The following MOB3A variants were observed in gnomAD, a reference collection of about 807,000 sequenced individuals.
MOB3A encodes the protein MOB LAK.
Under a neutral mutation model 17.8 loss-of-function variants are expected in MOB3A, and 17 were observed. The ratio of observed to expected loss-of-function variants is 0.95; its 90% confidence interval spans 0.65 to 1.43. MOB3A has a LOEUF of 1.43. Among genes scored for constraint, MOB3A ranks in the 40% most tolerant of loss-of-function variants. The pLI, the probability that MOB3A is intolerant of heterozygous loss-of-function variation, is 0.00. For synonymous variants in MOB3A, 124 were observed against 133.2 expected, an observed-to-expected ratio of 0.93 and a Z score of 0.48; for missense variants, 333 against 310.8, an observed-to-expected ratio of 1.07 and a Z score of -0.54.
At chr19:2,074,125 C>T (rs969530006) in intron 4 of MOB3A, among the ~76,000 whole-genome samples, 2 of 151,948 alleles carry the variant, frequency 1.3e-5, no homozygotes, top group Admixed American at 6.6e-5. Context: ...AACCCCGTCT[C>T]TACTAAAAAT....
At chr19:2,095,774 C>G (rs956464073) in intron 1 of MOB3A, among the ~76,000 whole-genome samples, 3 of 151,050 alleles carry the variant, frequency 2.0e-5, no homozygotes, top group African/African-American at 7.3e-5. Context: ...TTTTTTCCCC[C>G]GCTCTGGTTG....
intron 2 of MOB3A, 55 bp from the exon 3 acceptor site, chr19:2,078,734 C>G: frequency 1.6e-6 from 1 of 621,016 alleles, no homozygotes; most frequent in Non-Finnish European, 2.7e-6. Flanking sequence ...TTCCCGGAAA[C>G]TCGTGCTGAG....
At chr19:2,085,378 T>C (rs909838411) in intron 1 of MOB3A, 50 bp from the exon 2 acceptor site, 1 of 151,654 alleles carries the variant, frequency 6.6e-6, no homozygotes. Flanking sequence ...CAACACTTTT[T>C]TTTTTTTTTT....
intron 4 of MOB3A, among the ~76,000 whole-genome samples, chr19:2,074,905 G>A (rs1217946042): frequency 6.6e-6 from 1 of 152,082 alleles, no homozygotes; most frequent in African/African-American, 2.4e-5. Flanking sequence ...TTTTAGTAGC[G>A]ATGGGGTTTC....
chr19:2,076,029 A>C (rs967491461), intron 4 of MOB3A, among the ~76,000 whole-genome samples: 4 of 149,312 alleles, frequency 2.7e-5, no homozygotes, highest in Admixed American at 1.4e-4. Context: ...AGACTGAGGC[A>C]GGAGAACTGC....
chr19:2,076,230 A>G (rs1020471229), intron 4 of MOB3A, among the ~76,000 whole-genome samples: 1 of 151,304 alleles, frequency 6.6e-6, no homozygotes, highest in Admixed American at 6.6e-5. Context: ...AGATCCATCG[A>G]GACAATCCTG....
At position 2,093,063 on chromosome 19, in the gene MOB3A, C is replaced by T. The variant is rs1047376991; in HGVS notation, c.-274+3163G>A. Reference sequence around the variant, plus strand: ...TCGGCTGGGGAAGGTCTAAAACTCCCCACCTTAAAACCCCAAGCTCAGTCA... The same window carrying T: ...TCGGCTGGGGAAGGTCTAAAACTCCTCACCTTAAAACCCCAAGCTCAGTCA... On this transcript the variant is annotated intron_variant, in intron 1 of 4. Transcript: ENST00000357066. The surrounding 1 kb of genome is among the most constrained non-coding windows in gnomAD (Gnocchi z 4.6). Among the ~76,000 whole-genome samples, 9 of 152,170 alleles carry T rather than the reference C, an allele frequency of 5.9e-5. No homozygotes were observed. The highest frequency in any genetic ancestry group is 3.9e-4 in the Admixed American group (6 of 15,272).
chr19:2,079,490 G>A (rs530601927), intron 2 of MOB3A, among the ~76,000 whole-genome samples: 2 of 152,334 alleles, frequency 1.3e-5, no homozygotes, highest in East Asian at 1.9e-4. Flanking sequence ...ACGGCTGTGC[G>A]AGGATGCAGG....
chr19:2,088,719 C>T (rs1183511275), intron 1 of MOB3A, among the ~76,000 whole-genome samples: 2 of 152,100 alleles, frequency 1.3e-5, no homozygotes, highest in East Asian at 1.9e-4. Flanking sequence ...CCGCCCGCCT[C>T]GACCTCCCAA....
At chr19:2,074,334 G>A (rs1346833259) in intron 4 of MOB3A, among the ~76,000 whole-genome samples, 1 of 151,770 alleles carries the variant, frequency 6.6e-6, no homozygotes, top group East Asian at 1.9e-4. Flanking sequence ...GCTGATCCCT[G>A]TCTTATACAG....
chr19:2,077,061 G>A (rs1490215952), intron 3 of MOB3A, 48 bp from the exon 4 acceptor site: 2 of 1,530,916 alleles, frequency 1.3e-6, no homozygotes, highest in Admixed American at 3.6e-5. Flanking sequence ...CCAAGTCCAT[G>A]TCCAGAACCC....
At position 2,072,728 on chromosome 19, in the gene MOB3A, C is replaced by T. The variant is rs2017353530; in HGVS notation, c.*667G>A. 6.6e-6 allele frequency: 1 copy of T among 151,742 alleles called. No individual in the cohort carries two copies. The highest frequency in any genetic ancestry group is 1.5e-5 in the Non-Finnish European group (1 of 67,946). The allele number at this position is 151,742 out of a possible 1,614,324, so 9.4% of individuals were successfully genotyped here. A position where few individuals can be genotyped will look rare whatever the true frequency, so the allele number is the denominator to read the frequency against. On this transcript the variant is annotated 3_prime_UTR_variant, in exon 5 of 5. Coordinates refer to ENST00000357066, the MANE Select transcript of MOB3A (RefSeq NM_130807.3). ...CTGGAGGCCAGGAGTTCAGCGAGACCCCTGTCTCTAGTATGACCAAAAAAA... is the reference window on the plus strand; with the variant it reads ...CTGGAGGCCAGGAGTTCAGCGAGACTCCTGTCTCTAGTATGACCAAAAAAA...
intron 1 of MOB3A, among the ~76,000 whole-genome samples, chr19:2,089,068 G>A (rs1479661796): frequency 6.6e-6 from 1 of 152,178 alleles, no homozygotes; most frequent in African/African-American, 2.4e-5. Context: ...CCCTACAGGG[G>A]TTCATGCCGC....
At chr19:2,081,791 G>A (rs1911019344) in intron 2 of MOB3A, among the ~76,000 whole-genome samples, 1 of 152,180 alleles carries the variant, frequency 6.6e-6, no homozygotes, top group African/African-American at 2.4e-5. Flanking sequence ...GGCTGAGGCA[G>A]GAGAATCGCT....
intron 1 of MOB3A, among the ~76,000 whole-genome samples, chr19:2,092,504 C>A (rs1347438913): frequency 1.3e-5 from 2 of 152,030 alleles, no homozygotes; most frequent in Non-Finnish European, 2.9e-5. Context: ...GGGTGAGGCG[C>A]GGTGGCTTAC....
Position 2,078,659 on chromosome 19 carries a change from C to T in MOB3A, c.-99G>A. The T allele has an allele frequency of 1.7e-6, 2 of 1,194,728 alleles. No individual in the cohort carries two copies. The highest frequency in any genetic ancestry group is 2.3e-6 in the Non-Finnish European group (2 of 858,474). 74.0% of individuals were successfully genotyped at this position (1,194,728 alleles called of 1,614,324 possible). On this transcript the variant is annotated 5_prime_UTR_variant, in exon 3 of 5. Coordinates refer to ENST00000357066, the MANE Select transcript of MOB3A (RefSeq NM_130807.3). ...GAGAGGCCACGAAACACTCACCAAGCCCCACAGCTCTCCCGCGGACCTGAA... is the reference window on the plus strand; with the variant it reads ...GAGAGGCCACGAAACACTCACCAAGTCCCACAGCTCTCCCGCGGACCTGAA...
intron 1 of MOB3A, among the ~76,000 whole-genome samples, chr19:2,090,957 C>A (rs572928992): frequency 2.0e-5 from 3 of 152,158 alleles, no homozygotes; most frequent in African/African-American, 7.2e-5. Context: ...CCACCGCGCC[C>A]GGCCAAAATA....
chr19:2,086,927 G>A (rs1167055864), intron 1 of MOB3A, among the ~76,000 whole-genome samples: 1 of 152,100 alleles, frequency 6.6e-6, no homozygotes, highest in Admixed American at 6.6e-5. Context: ...GAGTAGCTGG[G>A]ACTACAGGCA....
At position 2,072,746 on chromosome 19, in the gene MOB3A, C is replaced by CA. The variant is rs770816636; in HGVS notation, c.*648dup. On this transcript the variant is annotated 3_prime_UTR_variant, in exon 5 of 5. Coordinates refer to ENST00000357066, the MANE Select transcript of MOB3A (RefSeq NM_130807.3). ...GCGAGACCCCTGTCTCTAGTATGACCAAAAAAAAAAAAATCTGTAGAAAAA... is the reference window on the plus strand; with the variant it reads ...GCGAGACCCCTGTCTCTAGTATGACCAAAAAAAAAAAAAATCTGTAGAAAAA... 6.7e-3 allele frequency: 908 copies of CA among 134,816 alleles called. 7 individuals are homozygous for CA. Among genetic ancestry groups the CA allele is most frequent in the African/African-American group, 0.022 (783 of 35,324 alleles). The allele number at this position is 134,816 out of a possible 1,614,324, so 8.4% of individuals were successfully genotyped here.
Sources: gnomAD v4.1 joint callset for allele counts (sites outside exome capture counted in the v4.1 genomes callset) on GRCh38, gnomAD v4.1.1 for gene constraint, Gnocchi (gnomAD v3.1) non-coding constraint, MANE v1.5 for transcripts, NCBI Gene and HGNC (gene_info 2026-07-23, HGNC 2026-07-21) for gene names.